The following EFNA5 variants were observed in gnomAD, a reference collection of about 807,000 sequenced individuals.
EFNA5 encodes ephrin A5.
In EFNA5, 5 loss-of-function variants were observed where a neutral mutation model predicts 22.9. The ratio of observed to expected loss-of-function variants is 0.22; its 90% CI spans 0.11 to 0.46. The LOEUF is 0.46. Ranked by LOEUF, EFNA5 falls within the 20% of genes least tolerant of loss-of-function variation. EFNA5 has a pLI of 0.99. For synonymous variants in EFNA5, 113 were observed against 112.2 expected (o/e 1.01, Z -0.04); for missense variants, 237 against 293.3 (o/e 0.81, Z 1.40).
At chr5:107,608,159 G>A (rs148447360) in intron 1 of EFNA5, among the ~76,000 whole-genome samples, 1 of 152,152 alleles carries the variant, frequency 6.6e-6, no homozygotes, top group Non-Finnish European at 1.5e-5. Context: ...ACAGAAATGT[G>A]TAACTTCCCC....
intron 1 of EFNA5, among the ~76,000 whole-genome samples, chr5:107,445,917 T>C (rs1456106722): frequency 6.6e-6 from 1 of 152,230 alleles, no homozygotes; most frequent in Non-Finnish European, 1.5e-5. Flanking sequence ...TCTTCATTTT[T>C]CAGACTTTAT....
chr5:107,501,532 T>A (rs1028796341), intron 1 of EFNA5, among the ~76,000 whole-genome samples: 2 of 152,188 alleles, frequency 1.3e-5, no homozygotes, highest in Non-Finnish European at 2.9e-5. Context: ...GCAAAGAAAT[T>A]CTCAGAAACT....
chr5:107,546,688 T>A (rs73777898), intron 1 of EFNA5, among the ~76,000 whole-genome samples: 20,214 of 64,338 alleles, frequency 0.31, 1,441 homozygotes, highest in East Asian at 0.34. Flanking sequence ...ACACACACAC[T>A]CTCACCCCTG....
At chr5:107,630,527 T>A (rs1235478181) in intron 1 of EFNA5, among the ~76,000 whole-genome samples, 1 of 152,034 alleles carries the variant, frequency 6.6e-6, no homozygotes, top group Non-Finnish European at 1.5e-5. Context: ...TACACCTATA[T>A]AGAACATTAC....
chr5:107,528,426 G>A (rs1047961350), intron 1 of EFNA5, among the ~76,000 whole-genome samples: 2 of 151,994 alleles, frequency 1.3e-5, no homozygotes, highest in Non-Finnish European at 1.5e-5. Context: ...TCTACTAAGT[G>A]CACTAATAAC....
At chr5:107,653,807 T>C (rs1750777740) in intron 1 of EFNA5, among the ~76,000 whole-genome samples, 2 of 152,170 alleles carry the variant, frequency 1.3e-5, no homozygotes, top group African/African-American at 2.4e-5. Flanking sequence ...CAGGCTGCAG[T>C]GCAAATCTAC....
intron 1 of EFNA5, among the ~76,000 whole-genome samples, chr5:107,515,111 T>C (rs1747449116): frequency 6.6e-6 from 1 of 152,168 alleles, no homozygotes; most frequent in African/African-American, 2.4e-5. Flanking sequence ...CCACTTGCAC[T>C]GTAACCTCCG....
chr5:107,567,796 G>A (rs537856575), intron 1 of EFNA5, among the ~76,000 whole-genome samples: 10 of 152,360 alleles, frequency 6.6e-5, no homozygotes, highest in South Asian at 2.1e-4. Flanking sequence ...ATTAAGGGGT[G>A]TGGCACTGGG....
intron 1 of EFNA5, among the ~76,000 whole-genome samples, chr5:107,482,652 C>T (rs1750501109): frequency 6.6e-6 from 1 of 152,028 alleles, no homozygotes; most frequent in South Asian, 2.1e-4. Context: ...CGCAATGTAG[C>T]CTGTGATGGC....
intron 1 of EFNA5, among the ~76,000 whole-genome samples, chr5:107,533,203 G>A (rs139656659): frequency 3.9e-5 from 6 of 152,260 alleles, no homozygotes; most frequent in Non-Finnish European, 7.4e-5. Context: ...TCCACTTAGC[G>A]ATCTCATTTG....
At chr5:107,382,655 C>T (rs1747501369) in intron 4 of EFNA5, among the ~76,000 whole-genome samples, 1 of 152,144 alleles carries the variant, frequency 6.6e-6, no homozygotes, top group African/African-American at 2.4e-5. Context: ...TAGACATGAG[C>T]CACTATACCT....
intron 1 of EFNA5, among the ~76,000 whole-genome samples, chr5:107,604,256 T>C (rs967409763): frequency 6.6e-5 from 10 of 152,284 alleles, no homozygotes; most frequent in Admixed American, 5.2e-4. Context: ...CACGGCTCAC[T>C]GCCACCTTGA....
intron 2 of EFNA5, among the ~76,000 whole-genome samples, chr5:107,423,370 T>C (rs1210458619): frequency 6.6e-6 from 1 of 151,412 alleles, no homozygotes; most frequent in Non-Finnish European, 1.5e-5. Flanking sequence ...TTTAAGAGTA[T>C]CATTTCTAAA....
At chr5:107,503,113 C>T (rs972105586) in intron 1 of EFNA5, among the ~76,000 whole-genome samples, 3 of 152,156 alleles carry the variant, frequency 2.0e-5, no homozygotes, top group African/African-American at 7.2e-5. Context: ...GCACAGGGTG[C>T]AGTTTCAGCT....
chr5:107,505,509 T>TC (rs1747234548), intron 1 of EFNA5, among the ~76,000 whole-genome samples: 1 of 152,086 alleles, frequency 6.6e-6, no homozygotes, highest in Admixed American at 6.5e-5. Context: ...TTGGAAAATT[T>TC]CCCCTAGTGA....
intron 1 of EFNA5, among the ~76,000 whole-genome samples, chr5:107,665,208 G>A (rs1187440696): frequency 3.9e-5 from 6 of 152,186 alleles, no homozygotes; most frequent in East Asian, 1.9e-4. Flanking sequence ...TTGGCCCAGC[G>A]TGAAGCTGGT....
At chr5:107,449,637 T>C (rs1236307672) in intron 1 of EFNA5, among the ~76,000 whole-genome samples, 3 of 152,172 alleles carry the variant, frequency 2.0e-5, no homozygotes, top group Non-Finnish European at 4.4e-5. Context: ...AAGTATTTTC[T>C]GCACTGTTTC....
intron 1 of EFNA5, among the ~76,000 whole-genome samples, chr5:107,434,523 T>C (rs1200870414): frequency 6.6e-6 from 1 of 152,230 alleles, no homozygotes; most frequent in East Asian, 1.9e-4. Flanking sequence ...CATTTCATTT[T>C]AGTAGCTGGA....
At chr5:107,646,814 A>AT (rs1332782447) in intron 1 of EFNA5, among the ~76,000 whole-genome samples, 2 of 152,086 alleles carry the variant, frequency 1.3e-5, no homozygotes, top group African/African-American at 4.8e-5. Context: ...CCACAAATAA[A>AT]TTTTTTTAAA....
Sources: allele counts gnomAD v4.1 joint callset (sites outside exome capture counted in the v4.1 genomes callset), GRCh38; gene constraint gnomAD v4.1.1; transcripts MANE v1.5; gene names NCBI Gene and HGNC (gene_info 2026-07-23, HGNC 2026-07-21).